The following CNTNAP3 variants were observed in gnomAD, a reference collection of about 807,000 sequenced individuals.
CNTNAP3 encodes the protein contactin associated protein family member 3.
A neutral mutation model predicts 92.1 loss-of-function variants in CNTNAP3; 36 were observed. The ratio of observed to expected loss-of-function variants is 0.39; its 90% CI spans 0.30 to 0.52. CNTNAP3 has a LOEUF of 0.52. Among genes scored for constraint, CNTNAP3 ranks in the 20% least tolerant of loss-of-function variants. CNTNAP3 has a pLI of 0.76. For synonymous variants in CNTNAP3, 232 were observed against 422.3 expected, an observed-to-expected ratio of 0.55 and a Z score of 5.53; for missense variants, 534 against 1,069.6, an observed-to-expected ratio of 0.50 and a Z score of 6.98.
intron 15 of CNTNAP3, among the ~76,000 whole-genome samples, chr9:39,104,450 T>G (rs1397372115): frequency 6.7e-6 from 1 of 149,660 alleles, no homozygotes; most frequent in Non-Finnish European, 1.5e-5. Flanking sequence ...GAACACAGAC[T>G]CTTGCTTTCC....
intron 14 of CNTNAP3, among the ~76,000 whole-genome samples, chr9:39,115,101 C>CT (rs543547406): frequency 3.0e-4 from 46 of 151,538 alleles, no homozygotes; most frequent in Admixed American, 6.6e-5. Flanking sequence ...TGATCATAAA[C>CT]TTTTTTTTAA....
At chr9:39,099,772 A>G (rs1826410242) in intron 18 of CNTNAP3, 139 bp downstream of exon 18, 1 of 984,062 alleles carries the variant, frequency 1.0e-6, no homozygotes, top group South Asian at 1.7e-5. Flanking sequence ...AATTCAATAG[A>G]GGAATTTGGT....
At chr9:39,127,471 T>A (rs1382056155) in intron 13 of CNTNAP3, among the ~76,000 whole-genome samples, 3 of 151,820 alleles carry the variant, frequency 2.0e-5, no homozygotes, top group Non-Finnish European at 4.4e-5. Flanking sequence ...ATAGAGAAAA[T>A]CATGAATCGA....
At chr9:39,132,729 T>C (rs1821322795) in intron 13 of CNTNAP3, among the ~76,000 whole-genome samples, 1 of 152,160 alleles carries the variant, frequency 6.6e-6, no homozygotes, top group South Asian at 2.1e-4. Flanking sequence ...ATGAACGCGC[T>C]GAACGTCTCT....
chr9:39,125,152 T>C (rs1347919564), intron 13 of CNTNAP3, among the ~76,000 whole-genome samples: 1 of 151,984 alleles, frequency 6.6e-6, no homozygotes, highest in Non-Finnish European at 1.5e-5. Context: ...ATGTGGCACA[T>C]ATATACCATG....
chr9:39,219,300 G>C lies in CNTNAP3; in HGVS notation c.390+19693C>G, dbSNP rs1253866142. Among the ~76,000 whole-genome samples the C allele has an allele frequency of 4.5e-4, 2 of 4,416 alleles. 1 individual carries two copies. The highest frequency in any genetic ancestry group is 4.8e-4 in the African/African-American group (2 of 4,154). The allele number at this position is 4,416 out of a possible 152,430, so 2.9% of individuals were successfully genotyped here. A position where few individuals can be genotyped will look rare whatever the true frequency, so the allele number is the denominator to read the frequency against. On this transcript the variant is annotated intron_variant, in intron 3 of 23. Coordinates refer to ENST00000297668, the MANE Select transcript of CNTNAP3 (RefSeq NM_033655.5). Reference sequence around the variant, plus strand: ...TATTATGTACTTTTTTTTTTTTTGAGACAGACTCTCACTCACTCTGTCACT... The same window carrying C: ...TATTATGTACTTTTTTTTTTTTTGACACAGACTCTCACTCACTCTGTCACT...
At position 39,069,461 on chromosome 9, in the gene CNTNAP3, T is replaced by C. The variant is rs1410462939; in HGVS notation, c.*4429A>G. ...TCATATCGCAAAATCTAAAAGTTCA[T>C]CTTATGATTTTAAACATTTTTATTC... On this transcript the variant is annotated 3_prime_UTR_variant, in exon 24 of 24. Transcript: ENST00000297668. Among the ~76,000 whole-genome samples, 1 of 152,310 alleles carries C rather than the reference T, an allele frequency of 6.6e-6. No individual in the cohort carries two copies. The highest frequency in any genetic ancestry group is 1.5e-5 in the Non-Finnish European group (1 of 68,056).
At chr9:39,115,437 T>C (rs1820833330) in intron 14 of CNTNAP3, among the ~76,000 whole-genome samples, 1 of 150,894 alleles carries the variant, frequency 6.6e-6, no homozygotes, top group Non-Finnish European at 1.5e-5. Flanking sequence ...AACTGAAAAA[T>C]CAATTTTATT....
intron 12 of CNTNAP3, chr9:39,139,696 AG>A (rs1821524887): frequency 6.6e-6 from 1 of 151,930 alleles, no homozygotes; most frequent in South Asian, 2.1e-4. Flanking sequence ...ACTATTTAAA[AG>A]GCATTCTAGT....
chr9:39,140,247 G>A (rs961326063), intron 12 of CNTNAP3, among the ~76,000 whole-genome samples: 1 of 145,230 alleles, frequency 6.9e-6, no homozygotes, highest in African/African-American at 2.5e-5. Flanking sequence ...TCAGAGGTTT[G>A]TATTTTTCAT....
chr9:39,108,069 A>G (rs555173690), intron 15 of CNTNAP3, among the ~76,000 whole-genome samples: 61 of 152,250 alleles, frequency 4.0e-4, no homozygotes, highest in Non-Finnish European at 7.6e-4. Flanking sequence ...GGTCAGAGTT[A>G]AAGAACTTTA....
chr9:39,067,023 G>A lies in CNTNAP3; in HGVS notation c.*6867C>T, dbSNP rs1758468. 4.0e-4 allele frequency among the ~76,000 whole-genome samples: 60 copies of A among 150,118 alleles called. No individual in the cohort carries two copies. The highest frequency in any genetic ancestry group is 1.0e-3 in the African/African-American group (42 of 40,144). ...AACTGAAGTTGTCCCACAGATCACC[G>A]ATACTCTGATTATTCTTTGTTTTTT... On this transcript the variant is annotated 3_prime_UTR_variant, in exon 24 of 24. Transcript: ENST00000297668.
At chr9:39,122,200 A>G (rs559535612) in intron 13 of CNTNAP3, among the ~76,000 whole-genome samples, 4 of 152,254 alleles carry the variant, frequency 2.6e-5, no homozygotes, top group Non-Finnish European at 5.9e-5. Flanking sequence ...TAAAAATAGA[A>G]AAAAATTAGC....
chr9:39,090,579 C>T (rs1826171152), intron 18 of CNTNAP3, among the ~76,000 whole-genome samples: 1 of 152,300 alleles, frequency 6.6e-6, no homozygotes, highest in African/African-American at 2.4e-5. Flanking sequence ...AATGAGCTAT[C>T]TGTTTAGTCT....
At chr9:39,107,919 T>C (rs1165474121) in intron 15 of CNTNAP3, among the ~76,000 whole-genome samples, 1 of 152,158 alleles carries the variant, frequency 6.6e-6, no homozygotes, top group African/African-American at 2.4e-5. Flanking sequence ...TGCCAAGGCA[T>C]ATTCTGGATA....
chr9:39,081,087 C>T (rs1825921915), intron 21 of CNTNAP3, among the ~76,000 whole-genome samples: 2 of 151,666 alleles, frequency 1.3e-5, no homozygotes, highest in South Asian at 4.2e-4. Context: ...ACCATATATA[C>T]TTTGTTTAAG....
chr9:39,095,358 T>TTA, intron 18 of CNTNAP3, among the ~76,000 whole-genome samples: 1 of 151,826 alleles, frequency 6.6e-6, no homozygotes, highest in East Asian at 1.9e-4. Context: ...CTTCCAGTAC[T>TTA]ATGATAAATA....
At chr9:39,129,103 T>C (rs1042606892) in intron 13 of CNTNAP3, among the ~76,000 whole-genome samples, 3 of 152,152 alleles carry the variant, frequency 2.0e-5, no homozygotes, top group African/African-American at 7.2e-5. Flanking sequence ...GTCATTCCCA[T>C]AAAAATTCTA....
At chr9:39,126,648 A>G (rs1821159673) in intron 13 of CNTNAP3, among the ~76,000 whole-genome samples, 1 of 152,120 alleles carries the variant, frequency 6.6e-6, no homozygotes, top group Admixed American at 6.6e-5. Context: ...TAATTAATAT[A>G]GTCCATCAGA....
Sources: allele counts gnomAD v4.1 joint callset (sites outside exome capture counted in the v4.1 genomes callset), GRCh38; gene constraint gnomAD v4.1.1; transcripts MANE v1.5; gene names NCBI Gene and HGNC (gene_info 2026-07-23, HGNC 2026-07-21).